Variants in KCTD1 observed in about 807,000 individuals in gnomAD.
KCTD1 encodes BTB/POZ domain-containing protein KCTD1.
In KCTD1, 24 loss-of-function variants were observed where a neutral mutation model predicts 66.0. The ratio of observed to expected loss-of-function variants is 0.36; its 90% CI spans 0.26 to 0.51. The LOEUF is 0.51. Ranked by LOEUF, KCTD1 falls within the 20% of genes least tolerant of loss-of-function variation. The probability of loss-of-function intolerance (pLI) is 0.95; values close to 1 mark genes in which losing one functional copy is unlikely to be tolerated. For synonymous variants in KCTD1, 511 were observed against 517.2 expected, an observed-to-expected ratio of 0.99 and a Z score of 0.16; for missense variants, 943 against 1,205.2, an observed-to-expected ratio of 0.78 and a Z score of 3.22.
intron 1 of KCTD1, among the ~76,000 whole-genome samples, chr18:26,600,849 C>T (rs1427856685): frequency 6.6e-6 from 1 of 152,068 alleles, no homozygotes; most frequent in Non-Finnish European, 1.5e-5. Context: ...TGTGATGATA[C>T]CCAGTGTCCC....
At chr18:26,553,487 C>T (rs548319208), upstream of KCTD1, among the ~76,000 whole-genome samples, 6 of 152,220 alleles carry the variant, frequency 3.9e-5, no homozygotes, top group Admixed American at 6.5e-5. Flanking sequence ...AATAAATATA[C>T]GCACATTTAT....
chr18:26,545,044 A>T (rs1985145468), intron 1 of KCTD1: 1 of 152,208 alleles, frequency 6.6e-6, no homozygotes, highest in Non-Finnish European at 1.5e-5. Context: ...CTTAGAACAA[A>T]ACAAAACCAA....
chr18:26,525,956 G>A (rs1041692814), intron 1 of KCTD1, among the ~76,000 whole-genome samples: 12 of 152,194 alleles, frequency 7.9e-5, no homozygotes, highest in African/African-American at 2.9e-4. Flanking sequence ...GCTCTTGAGA[G>A]GGCAGGGCGC....
At chr18:26,594,779 T>TCA (rs1264604227) in intron 1 of KCTD1, among the ~76,000 whole-genome samples, 7 of 152,170 alleles carry the variant, frequency 4.6e-5, no homozygotes, top group African/African-American at 1.7e-4. Context: ...TGAGTGGGCC[T>TCA]CATCCAGTCA....
At chr18:26,461,811 G>C (rs937033460) in intron 3 of KCTD1, among the ~76,000 whole-genome samples, 1 of 152,184 alleles carries the variant, frequency 6.6e-6, no homozygotes, top group Non-Finnish European at 1.5e-5. Context: ...GAAGGATCTA[G>C]ACTCCAGTGA....
At chr18:26,571,240 T>C (rs568409430) in intron 1 of KCTD1, among the ~76,000 whole-genome samples, 2 of 152,324 alleles carry the variant, frequency 1.3e-5, no homozygotes, top group East Asian at 1.9e-4. Flanking sequence ...ATACAAGTTA[T>C]TGAATGAACG....
At chr18:26,515,598 T>A (rs1983616932) in intron 1 of KCTD1, among the ~76,000 whole-genome samples, 1 of 148,868 alleles carries the variant, frequency 6.7e-6, no homozygotes, top group Admixed American at 6.9e-5. Context: ...CTCCGCCTCC[T>A]GGATTCAAGC....
At chr18:26,568,336 A>T (rs1257028438) in intron 1 of KCTD1, among the ~76,000 whole-genome samples, 1 of 152,110 alleles carries the variant, frequency 6.6e-6, no homozygotes, top group Non-Finnish European at 1.5e-5. Context: ...CCCTGGGCTC[A>T]GGTGATCTCC....
intron 1 of KCTD1, among the ~76,000 whole-genome samples, chr18:26,651,166 C>T (rs1195107354): frequency 2.0e-5 from 3 of 152,102 alleles, no homozygotes; most frequent in Non-Finnish European, 2.9e-5. Context: ...CAGGGAGATA[C>T]AGAGGTGGGG....
At chr18:26,641,577 A>C (rs1598980929), upstream of KCTD1, among the ~76,000 whole-genome samples, 1 of 149,206 alleles carries the variant, frequency 6.7e-6, no homozygotes, top group African/African-American at 2.5e-5. Flanking sequence ...TAAGCCTCCC[A>C]CCCCTCTTAT....
At chr18:26,641,854 C>T (rs911968915), upstream of KCTD1, among the ~76,000 whole-genome samples, 1 of 152,084 alleles carries the variant, frequency 6.6e-6, no homozygotes, top group African/African-American at 2.4e-5. Context: ...CTCATAGGTT[C>T]CATTTAGAGC....
chr18:26,560,263 T>C (rs961726882), intron 1 of KCTD1, among the ~76,000 whole-genome samples: 3 of 151,936 alleles, frequency 2.0e-5, no homozygotes, highest in African/African-American at 7.3e-5. Flanking sequence ...CAACAAAAAA[T>C]ATGTATCAAT....
chr18:26,522,368 G>C (rs757784122), intron 1 of KCTD1, among the ~76,000 whole-genome samples: 2 of 152,158 alleles, frequency 1.3e-5, no homozygotes, highest in African/African-American at 2.4e-5. Flanking sequence ...ACCAAAGATT[G>C]CCAGCAACCC....
chr18:26,505,334 G>C (rs1418053863), intron 1 of KCTD1, among the ~76,000 whole-genome samples: 1 of 152,278 alleles, frequency 6.6e-6, no homozygotes. Flanking sequence ...TAACCAGAAA[G>C]AGTGCAAGGG....
At position 26,548,345 on chromosome 18, in the gene KCTD1, GTCCTCCTCCTCCTCT is replaced by G; in HGVS notation, c.177_191del (p.Glu59_Glu63del). The G allele has an allele frequency of 2.7e-6, 4 of 1,482,402 alleles. No individual in the cohort carries two copies. Among genetic ancestry groups the G allele is most frequent in the Non-Finnish European group, 2.7e-6 (3 of 1,117,696 alleles). The allele number at this position is 1,482,402 out of a possible 1,614,324, so 91.8% of individuals were successfully genotyped here. ...CCGTTATCTGCACCTCCTGGATCTCGTCCTCCTCCTCCTCTTCCTCCTCCTCCTCGCCCGCGCTGC... is the reference window on the plus strand; with the variant it reads ...CCGTTATCTGCACCTCCTGGATCTCGTCCTCCTCCTCCTCGCCCGCGCTGC... On this transcript the variant is annotated inframe_deletion, in exon 1 of 5. Coordinates refer to ENST00000580059, the MANE Select transcript of KCTD1 (RefSeq NM_001142730.3).
intron 1 of KCTD1, among the ~76,000 whole-genome samples, chr18:26,603,202 G>T (rs1471725252): frequency 1.3e-5 from 2 of 152,140 alleles, no homozygotes; most frequent in African/African-American, 4.8e-5. Context: ...GGCTGAGGCA[G>T]GTGGATTGCT....
rs555023170 is a variant in KCTD1 at position 26,637,718 on chromosome 18, C to A, written c.-107+2593G>T. On this transcript the variant is annotated intron_variant, in intron 1 of 5. Coordinates refer to the KCTD1 transcript ENST00000579973. ...TTCAGCGGTCGGCTCACCCTAGAGG[C>A]AGTGTCTCTAATGGGAGGAGCCTGG... is the stretch of plus-strand genomic sequence containing the variant. Among the ~76,000 whole-genome samples the A allele has an allele frequency of 5.3e-5, 8 of 152,358 alleles. No individual in the cohort carries two copies. The South Asian group carries it at 1.4e-3, about 28-fold the overall frequency.
intron 1 of KCTD1, among the ~76,000 whole-genome samples, chr18:26,610,032 A>C (rs1033795582): frequency 2.0e-5 from 3 of 152,216 alleles, no homozygotes; most frequent in Non-Finnish European, 4.4e-5. Flanking sequence ...CTTCATTCAA[A>C]AATTTATTTA....
Position 26,546,903 on chromosome 18 carries a change from T to C in KCTD1, c.1634A>G (p.Glu545Gly), listed in dbSNP as rs1330645428. ...ALYESVFGSG[E>G]ICGPTSPKRL... ...TTTGGGGGAAGTGGGGCCGCAGATT[T>C]CCCCCGACCCGAACACAGACTCGTA... The change falls in exon 1 of 5, where the codon GAA (glutamate) becomes GGA (glycine). Residue 545 changes from glutamate (E) to glycine (G), a missense_variant. Physicochemically the swap from Glu to Gly is moderately conservative, Grantham distance 98. Transcript: ENST00000580059. The C allele has an allele frequency of 6.7e-7, 1 of 1,482,612 alleles. No homozygotes were observed. Among genetic ancestry groups the C allele is most frequent in the East Asian group, 2.5e-5 (1 of 40,448 alleles). 91.8% of individuals were successfully genotyped at this position (1,482,612 alleles called of 1,614,324 possible). A position where few individuals can be genotyped will look rare whatever the true frequency, so the allele number is the denominator to read the frequency against.
Sources: gnomAD v4.1 joint callset for allele counts (sites outside exome capture counted in the v4.1 genomes callset) on GRCh38, gnomAD v4.1.1 for gene constraint, MANE v1.5 for transcripts, NCBI Gene and HGNC (gene_info 2026-07-23, HGNC 2026-07-21) for gene names.